Variants in CRPPA observed in about 807,000 individuals in gnomAD.
CRPPA encodes D-ribitol-5-phosphate cytidylyltransferase.
In CRPPA, 43 loss-of-function variants were observed where a neutral mutation model predicts 52.0. The ratio of observed to expected loss-of-function variants is 0.83; its 90% CI spans 0.65 to 1.07. The LOEUF is 1.07. Among genes scored for constraint, CRPPA ranks in the 50% least tolerant of loss-of-function variants. The probability of loss-of-function intolerance (pLI) is 0.00; values close to 1 mark genes in which losing one functional copy is unlikely to be tolerated. For missense variants in CRPPA, 629 were observed against 551.7 expected, an observed-to-expected ratio of 1.14 and a Z score of -1.40; for synonymous variants, 250 against 203.5, an observed-to-expected ratio of 1.23 and a Z score of -1.94.
intron 3 of CRPPA, among the ~76,000 whole-genome samples, chr7:16,324,088 A>C (rs1461606329): frequency 6.6e-6 from 1 of 152,088 alleles, no homozygotes; most frequent in African/African-American, 2.4e-5. Flanking sequence ...AAAATGAAAC[A>C]CCTCTTATTT....
chr7:16,328,126 C>T (rs1271804464), intron 3 of CRPPA, among the ~76,000 whole-genome samples: 2 of 152,248 alleles, frequency 1.3e-5, no homozygotes, highest in South Asian at 2.1e-4. Flanking sequence ...CCATTTATTA[C>T]GGAATCTTTA....
intron 9 of CRPPA, among the ~76,000 whole-genome samples, chr7:16,150,972 T>A (rs1337572404): frequency 1.3e-5 from 2 of 152,194 alleles, no homozygotes; most frequent in East Asian, 3.9e-4. Context: ...ATCATTAGGC[T>A]CCACCTCCCA....
intron 5 of CRPPA, among the ~76,000 whole-genome samples, chr7:16,287,122 G>A (rs1258425531): frequency 2.0e-5 from 3 of 152,062 alleles, no homozygotes; most frequent in Non-Finnish European, 2.9e-5. Flanking sequence ...AAAGCAGTAT[G>A]AATTATTTTC....
intron 8 of CRPPA, among the ~76,000 whole-genome samples, chr7:16,242,040 C>T (rs910325243): frequency 6.9e-6 from 1 of 144,630 alleles, no homozygotes; most frequent in Non-Finnish European, 1.5e-5. Context: ...TTCACTGCCC[C>T]CCGGGTTCCA....
chr7:16,307,138 A>G (rs1418112056), intron 4 of CRPPA, among the ~76,000 whole-genome samples: 1 of 152,156 alleles, frequency 6.6e-6, no homozygotes, highest in African/African-American at 2.4e-5. Flanking sequence ...TCAGATTTTG[A>G]TGGATGTTTC....
At chr7:16,285,123 A>G (rs934205031) in intron 5 of CRPPA, among the ~76,000 whole-genome samples, 1 of 152,210 alleles carries the variant, frequency 6.6e-6, no homozygotes, top group Middle Eastern at 3.2e-3. Flanking sequence ...AATCAAAACA[A>G]AAATAGAAGC....
intron 9 of CRPPA, among the ~76,000 whole-genome samples, chr7:16,177,024 C>G (rs1043344490): frequency 3.3e-5 from 5 of 151,984 alleles, no homozygotes; most frequent in African/African-American, 1.2e-4. Flanking sequence ...AATGCATATG[C>G]TAAGTGAAAA....
At chr7:16,122,081 A>G (rs940546037) in intron 9 of CRPPA, among the ~76,000 whole-genome samples, 1 of 152,102 alleles carries the variant, frequency 6.6e-6, no homozygotes, top group Non-Finnish European at 1.5e-5. Flanking sequence ...TACAAAGGAA[A>G]TGTTAACATG....
At chr7:16,209,714 C>G (rs972543360) in intron 9 of CRPPA, among the ~76,000 whole-genome samples, 12 of 152,132 alleles carry the variant, frequency 7.9e-5, no homozygotes, top group African/African-American at 2.9e-4. Flanking sequence ...ACAACCACTA[C>G]AGAATGAGAT....
intron 3 of CRPPA, among the ~76,000 whole-genome samples, chr7:16,373,638 C>G (rs977620276): frequency 1.3e-5 from 2 of 152,080 alleles, no homozygotes; most frequent in Non-Finnish European, 2.9e-5. Context: ...CTGGTGTGGC[C>G]AGACAGAAAA....
intron 1 of CRPPA, among the ~76,000 whole-genome samples, chr7:16,408,499 G>T (rs1788007402): frequency 6.6e-6 from 1 of 152,194 alleles, no homozygotes; most frequent in Non-Finnish European, 1.5e-5. Context: ...CCAGGCAGGA[G>T]GTGGGCAGTA....
At chr7:16,296,596 A>T (rs904522448) in intron 5 of CRPPA, among the ~76,000 whole-genome samples, 1 of 152,136 alleles carries the variant, frequency 6.6e-6, no homozygotes, top group Non-Finnish European at 1.5e-5. Flanking sequence ...GGACACTTAA[A>T]AAAAAACAAA....
At chr7:16,329,893 G>C (rs544943939) in intron 3 of CRPPA, among the ~76,000 whole-genome samples, 1 of 152,314 alleles carries the variant, frequency 6.6e-6, no homozygotes, top group African/African-American at 2.4e-5. Context: ...CTGAAGCCCT[G>C]TGTGATTTTC....
At chr7:16,369,962 A>G (rs1786705686) in intron 3 of CRPPA, among the ~76,000 whole-genome samples, 1 of 152,166 alleles carries the variant, frequency 6.6e-6, no homozygotes. Context: ...AATCCAAACC[A>G]CAGCAGAAGC....
At chr7:16,209,140 T>C (rs1782048831) in intron 9 of CRPPA, 4 of 366,124 alleles carry the variant, frequency 1.1e-5, no homozygotes, top group Non-Finnish European at 2.1e-5. Context: ...ACAAAGAAGA[T>C]TGTGCTAAGG....
chr7:16,124,247 T>C (rs1044219686), intron 9 of CRPPA, among the ~76,000 whole-genome samples: 9 of 152,062 alleles, frequency 5.9e-5, no homozygotes, highest in Non-Finnish European at 1.5e-5. Flanking sequence ...CCATTCTAAC[T>C]GGGATGAAAT....
chr7:16,355,999 T>C (rs911870451), intron 3 of CRPPA, among the ~76,000 whole-genome samples: 1 of 152,102 alleles, frequency 6.6e-6, no homozygotes, highest in Non-Finnish European at 1.5e-5. Context: ...TTTTTACTAG[T>C]TTGACAACTT....
At chr7:16,208,792 T>G (rs115571877) in intron 9 of CRPPA, among the ~76,000 whole-genome samples, 210 of 152,352 alleles carry the variant, frequency 1.4e-3, no homozygotes, top group African/African-American at 4.9e-3. Context: ...CCTTGAGGAC[T>G]GAAACCTTGT....
At chr7:16,398,397 C>A (rs1285488451) in intron 2 of CRPPA, among the ~76,000 whole-genome samples, 2 of 152,164 alleles carry the variant, frequency 1.3e-5, no homozygotes. Flanking sequence ...GTGACTGACA[C>A]GTGACCAACA....
Sources: allele counts gnomAD v4.1 joint callset (sites outside exome capture counted in the v4.1 genomes callset), GRCh38; gene constraint gnomAD v4.1.1; transcripts MANE v1.5; gene names NCBI Gene and HGNC (gene_info 2026-07-23, HGNC 2026-07-21).